The following GABRP variants were observed in gnomAD, a reference collection of about 807,000 sequenced individuals.
GABRP encodes gamma-aminobutyric acid type A receptor subunit pi.
In GABRP, 52 loss-of-function variants were observed where a neutral mutation model predicts 47.8. The ratio of observed to expected loss-of-function variants is 1.09; its 90% CI spans 0.87 to 1.37. The LOEUF is 1.37. Among genes scored for constraint, GABRP ranks in the 40% most tolerant of loss-of-function variants. The pLI is 0.00. For missense variants in GABRP, 525 were observed against 542.8 expected (o/e 0.97, Z 0.33); for synonymous variants, 221 against 205.8 (o/e 1.07, Z -0.63).
At chr5:170,784,725 T>C (rs1052939335) in intron 1 of GABRP, among the ~76,000 whole-genome samples, 5 of 152,146 alleles carry the variant, frequency 3.3e-5, no homozygotes, top group Non-Finnish European at 7.4e-5. Flanking sequence ...AAACTAATGT[T>C]TATTGAATGC....
At chr5:170,785,721 G>A (rs545556313) in intron 1 of GABRP, among the ~76,000 whole-genome samples, 5 of 152,310 alleles carry the variant, frequency 3.3e-5, no homozygotes, top group African/African-American at 1.2e-4. Context: ...TCACTTGATC[G>A]AGGGCCATTT....
At chr5:170,795,846 A>G (rs750825020) in intron 5 of GABRP, among the ~76,000 whole-genome samples, 1 of 152,216 alleles carries the variant, frequency 6.6e-6, no homozygotes. Flanking sequence ...AGAGAGGTGC[A>G]TGCAAGGAAC....
intron 3 of GABRP, among the ~76,000 whole-genome samples, chr5:170,789,570 C>T (rs1435404401): frequency 2.0e-5 from 3 of 152,176 alleles, no homozygotes; most frequent in Non-Finnish European, 4.4e-5. Flanking sequence ...CACCAGGCTA[C>T]CCCATCTGGT....
chr5:170,786,825 CA>C (rs2127248303), intron 1 of GABRP, among the ~76,000 whole-genome samples: 1 of 152,176 alleles, frequency 6.6e-6, no homozygotes, highest in East Asian at 1.9e-4. Context: ...AAGTAAGCCG[CA>C]AAAAGCATGC....
rs755183882 is a variant in GABRP, at chr5:170,808,804, CT to C, written c.832+59del. On this transcript the variant is annotated intron_variant, in intron 8 of 9. Coordinates refer to ENST00000265294, the MANE Select transcript of GABRP (RefSeq NM_014211.3). ...AAGAACTGGCTTATCAGGTTACTTA[CT>C]TTTTTTCCTTTTACCATTGTCTTCA... The C allele has an allele frequency of 4.3e-5, 66 of 1,524,352 alleles. No individual in the cohort carries two copies. In the African/African-American group the frequency reaches 8.2e-4, roughly 19 times the overall value. 94.4% of individuals were successfully genotyped at this position (1,524,352 alleles called of 1,614,324 possible).
Position 170,797,560 on chromosome 5 carries a change from T to A in GABRP, c.541+12T>A, listed in dbSNP as rs771108060. The A allele has an allele frequency of 1.3e-6, 2 of 1,522,622 alleles. No individual in the cohort carries two copies. The highest frequency in any genetic ancestry group is 1.8e-6 in the Non-Finnish European group (2 of 1,097,128). The allele number at this position is 1,522,622 out of a possible 1,614,324, so 94.3% of individuals were successfully genotyped here. ...GCAGCTGGAAAGCTGTAAGTATACA[T>A]CCTACAGGCTCCTGAGATGATTTTC... is the stretch of plus-strand genomic sequence containing the variant. On this transcript the variant is annotated intron_variant, in intron 6 of 9. Transcript: ENST00000265294.
chr5:170,809,552 C>T lies in GABRP; in HGVS notation c.833-16C>T, dbSNP rs777565335. On this transcript the variant is annotated splice_polypyrimidine_tract_variant and intron_variant, in intron 8 of 9. Transcript: ENST00000265294. Reference sequence around the variant, plus strand: ...ACCAGTCACTTTGTAGGAACATCCCCTGCCTGTTTTCCCAGGAGTGACGAC... The same window carrying T: ...ACCAGTCACTTTGTAGGAACATCCCTTGCCTGTTTTCCCAGGAGTGACGAC... 6.2e-7 allele frequency: 1 copy of T among 1,612,768 alleles called. No individual in the cohort carries two copies. The highest frequency in any genetic ancestry group is 8.5e-7 in the Non-Finnish European group (1 of 1,179,696).
chr5:170,808,226 CA>C (rs1236721495), intron 7 of GABRP, among the ~76,000 whole-genome samples: 1 of 152,162 alleles, frequency 6.6e-6, no homozygotes, highest in Non-Finnish European at 1.5e-5. Context: ...AACAGATGGT[CA>C]CAGGTAATCT....
chr5:170,803,500 A>C (rs148612705), intron 6 of GABRP, among the ~76,000 whole-genome samples: 3 of 152,138 alleles, frequency 2.0e-5, no homozygotes, highest in Admixed American at 6.5e-5. Context: ...GGTATAACTT[A>C]TATACGATAA....
chr5:170,805,037 A>G (rs1031367241), intron 6 of GABRP, among the ~76,000 whole-genome samples: 2 of 147,822 alleles, frequency 1.4e-5, no homozygotes, highest in Non-Finnish European at 3.0e-5. Flanking sequence ...TATATATTAT[A>G]TAGATATAAA....
intron 8 of GABRP, 140 bp downstream of exon 8, chr5:170,808,892 AAG>A (rs1294682621): frequency 9.7e-6 from 7 of 722,890 alleles, no homozygotes; most frequent in African/African-American, 5.3e-5. Flanking sequence ...CAGAGAAAGA[AAG>A]AGAGAGACAG....
chr5:170,797,424 C>T, intron 5 of GABRP, 42 bp from the exon 6 acceptor site: 1 of 1,257,032 alleles, frequency 8.0e-7, no homozygotes, highest in Non-Finnish European at 1.2e-6. Flanking sequence ...CTTTCTATAA[C>T]TTCCTCACAA....
intron 4 of GABRP, among the ~76,000 whole-genome samples, chr5:170,794,562 CAG>C (rs1344548269): frequency 2.0e-5 from 3 of 151,900 alleles, no homozygotes; most frequent in Non-Finnish European, 2.9e-5. Context: ...GTTCAAGAGC[CAG>C]AAGGAGAGAA....
chr5:170,789,017 G>A (rs1246493787), intron 2 of GABRP, 112 bp from the exon 3 acceptor site: 7 of 786,234 alleles, frequency 8.9e-6, no homozygotes, highest in Non-Finnish European at 1.5e-5. Context: ...GCTGGTACAT[G>A]GGCAAGGCAC....
intron 1 of GABRP, among the ~76,000 whole-genome samples, chr5:170,786,759 A>G (rs1316262298): frequency 6.6e-6 from 1 of 152,188 alleles, no homozygotes; most frequent in Non-Finnish European, 1.5e-5. Flanking sequence ...TATGCGTGGC[A>G]CAGTTGTAAG....
At chr5:170,784,872 T>C (rs571994317) in intron 1 of GABRP, among the ~76,000 whole-genome samples, 1 of 152,336 alleles carries the variant, frequency 6.6e-6, no homozygotes, top group South Asian at 2.1e-4. Context: ...CGGGGCAGGA[T>C]AATGCATAGG....
At chr5:170,799,357 C>A (rs910809832) in intron 6 of GABRP, among the ~76,000 whole-genome samples, 1 of 152,246 alleles carries the variant, frequency 6.6e-6, no homozygotes, top group African/African-American at 2.4e-5. Flanking sequence ...AATCGCCACA[C>A]TGTCTTCCAC....
Position 170,809,698 on chromosome 5 carries a change from G to A in GABRP, c.963G>A (p.Leu321=), listed in dbSNP as rs1050025284. 6.2e-7 allele frequency: 1 copy of A among 1,612,786 alleles called. No individual in the cohort carries two copies. The highest frequency in any genetic ancestry group is 1.7e-5 in the Admixed American group (1 of 59,922). ...GCTTTAGCTTTGTGTTTGGGGCCTT[G>A]CTAGAATATGCAGTTGCTCACTACA... The part of the protein sequence containing the change: ...GICFSFVFGA[L]LEYAVAHYSS... The change falls in exon 9 of 10, where the codon TTG becomes TTA. Residue 321 remains leucine, a synonymous_variant. Coordinates refer to ENST00000265294, the MANE Select transcript of GABRP (RefSeq NM_014211.3).
At chr5:170,785,734 T>C (rs1017169669) in intron 1 of GABRP, among the ~76,000 whole-genome samples, 1 of 152,162 alleles carries the variant, frequency 6.6e-6, no homozygotes, top group Non-Finnish European at 1.5e-5. Flanking sequence ...GGCCATTTCC[T>C]ATAGGAGGAG....
Sources: gnomAD v4.1 joint callset for allele counts (sites outside exome capture counted in the v4.1 genomes callset) on GRCh38, gnomAD v4.1.1 for gene constraint, MANE v1.5 for transcripts, NCBI Gene and HGNC (gene_info 2026-07-23, HGNC 2026-07-21) for gene names.